The following GARRE1 variants were observed in gnomAD, a reference collection of about 807,000 sequenced individuals.
GARRE1 encodes granule associated Rac and RHOG effector protein 1.
In GARRE1, 49 loss-of-function variants were observed where a neutral mutation model predicts 103.2. That is an observed-to-expected ratio of 0.47 (90% confidence interval 0.38 to 0.60). The LOEUF (loss-of-function observed/expected upper bound fraction) is 0.60, where lower values mean the gene tolerates loss of function less well. GARRE1 is among the 20% of genes least tolerant of loss of function. The probability of loss-of-function intolerance (pLI) is 0.00; values close to 1 mark genes in which losing one functional copy is unlikely to be tolerated. For missense variants in GARRE1, 1,199 were observed against 1,370.5 expected (o/e 0.87, Z 1.98); for synonymous variants, 505 against 532.8 (o/e 0.95, Z 0.72).
chr19:34,327,935 G>C, intron 5 of GARRE1, 55 bp from the exon 6 acceptor site: 2 of 1,613,784 alleles, frequency 1.2e-6, no homozygotes, highest in East Asian at 4.5e-5. Flanking sequence ...TGAACCAAGT[G>C]TTTTGACAGA....
intron 4 of GARRE1, 22 bp from the exon 5 acceptor site, chr19:34,327,749 G>A (rs2074118586): frequency 6.3e-7 from 1 of 1,595,716 alleles, no homozygotes; most frequent in South Asian, 1.1e-5. Context: ...GATCTTGATT[G>A]TTAAAAATAA....
In GARRE1 at chr19:34,354,294, C is replaced by T. The variant is rs1189778191; in HGVS notation, c.*1339C>T. ...AATAAATGGTTTATTCTTTCTAACTCCATATAAGCTTTTCCAGCAAAGATT... is the reference window on the plus strand; with the variant it reads ...AATAAATGGTTTATTCTTTCTAACTTCATATAAGCTTTTCCAGCAAAGATT... On this transcript the variant is annotated 3_prime_UTR_variant, in exon 14 of 14. Transcript: ENST00000299505. 1 of 152,036 alleles carries T rather than the reference C, an allele frequency of 6.6e-6. No individual in the cohort carries two copies. Among genetic ancestry groups the T allele is most frequent in the African/African-American group, 2.4e-5 (1 of 41,376 alleles). 9.4% of individuals were successfully genotyped at this position (152,036 alleles called of 1,614,324 possible).
At chr19:34,324,078 C>G (rs529904820) in intron 3 of GARRE1, among the ~76,000 whole-genome samples, 1 of 152,108 alleles carries the variant, frequency 6.6e-6, no homozygotes, top group African/African-American at 2.4e-5. Context: ...AGGCTTGCCC[C>G]GTGCTGGCCT....
Position 34,320,814 on chromosome 19 carries a change from G to A in GARRE1, c.705+698G>A, listed in dbSNP as rs192407104. 1.7e-4 allele frequency among the ~76,000 whole-genome samples: 25 copies of A among 150,302 alleles called. No individual in the cohort carries two copies. The East Asian group carries it at 3.9e-3, about 23-fold the overall frequency. On this transcript the variant is annotated intron_variant, in intron 3 of 13. Transcript: ENST00000299505. Reference sequence around the variant, plus strand: ...AAGTCTCACTACAGCCTGTACCTCCGGGCTCAAGAGATACTCCCACCTCAG... The same window carrying A: ...AAGTCTCACTACAGCCTGTACCTCCAGGCTCAAGAGATACTCCCACCTCAG...
In GARRE1 at chr19:34,300,748, G is replaced by T. The variant is rs778258992; in HGVS notation, c.275G>T (p.Arg92Leu). ...CTGGATGCCCTGAACGTCTTCTGCC[G>T]TGCCAGTACTTTCCTCACAGATCTC... ...KYLDALNVFCRASTFLTDLFS... is the reference protein window; with the variant it reads ...KYLDALNVFCLASTFLTDLFS... The change falls in exon 2 of 14, where the codon CGT becomes CTT. Residue 92 changes from arginine to leucine, a missense_variant. Physicochemically the swap from Arg to Leu is moderately radical, Grantham distance 102. Transcript: ENST00000299505. 5.6e-6 allele frequency: 9 copies of T among 1,614,170 alleles called. No individual in the cohort carries two copies. Among genetic ancestry groups the T allele is most frequent in the Admixed American group, 1.7e-5 (1 of 60,020 alleles).
intron 7 of GARRE1, 21 bp from the exon 8 acceptor site, chr19:34,333,683 T>TTG: frequency 8.0e-7 from 1 of 1,244,882 alleles, no homozygotes; most frequent in South Asian, 1.3e-5. Flanking sequence ...ATTTGTTTTT[T>TTG]TTTTTTTTTT....
intron 1 of GARRE1, among the ~76,000 whole-genome samples, chr19:34,264,609 A>G (rs2073740361): frequency 1.3e-5 from 2 of 152,276 alleles, no homozygotes; most frequent in East Asian, 3.9e-4. Flanking sequence ...TGTGTTAGCC[A>G]GGATGGTCTT....
chr19:34,342,556 A>C (rs1368256595), intron 10 of GARRE1, 101 bp downstream of exon 10: 1 of 1,073,792 alleles, frequency 9.3e-7, no homozygotes, highest in African/African-American at 1.6e-5. Context: ...TGAAGGTGAA[A>C]TCATTTAATC....
chr19:34,307,516 T>C (rs941611583), intron 2 of GARRE1, among the ~76,000 whole-genome samples: 1 of 150,432 alleles, frequency 6.6e-6, no homozygotes, highest in Non-Finnish European at 1.5e-5. Flanking sequence ...CTTATATGTA[T>C]ATATACGTAT....
chr19:34,328,230 G>C (rs1287346758), intron 6 of GARRE1, 79 bp downstream of exon 6: 1 of 1,500,048 alleles, frequency 6.7e-7, no homozygotes, highest in Non-Finnish European at 9.0e-7. Flanking sequence ...GGCTTGCGAA[G>C]GATGTAGATT....
rs544437477 is a variant in GARRE1, at chr19:34,339,976, C to T, written c.1471C>T (p.Arg491Cys). 23 of 1,614,138 alleles carry T rather than the reference C, an allele frequency of 1.4e-5. No individual in the cohort carries two copies. Among genetic ancestry groups the T allele is most frequent in the African/African-American group, 9.3e-5 (7 of 75,028 alleles). The change falls in exon 9 of 14, where the codon CGC becomes TGC. Residue 491 changes from arginine (R) to cysteine (C), a missense_variant. Coordinates refer to ENST00000299505, the MANE Select transcript of GARRE1 (RefSeq NM_014686.5). ...CTACACAGCTGTGCTGGACCTAAACCGCTGGAGGGCTGGAAGGTTGGTGTC... is the reference window on the plus strand; with the variant it reads ...CTACACAGCTGTGCTGGACCTAAACTGCTGGAGGGCTGGAAGGTTGGTGTC... ...VLYTAVLDLNRWRAGREQALP... is the reference protein window; with the variant it reads ...VLYTAVLDLNCWRAGREQALP...
intron 1 of GARRE1, among the ~76,000 whole-genome samples, chr19:34,284,544 G>T (rs1401853723): frequency 6.6e-6 from 1 of 152,158 alleles, no homozygotes; most frequent in Non-Finnish European, 1.5e-5. Context: ...AATCTGTGGA[G>T]AACTTTTGCA....
intron 1 of GARRE1, among the ~76,000 whole-genome samples, chr19:34,283,044 G>A (rs986940540): frequency 1.3e-5 from 2 of 152,154 alleles, no homozygotes; most frequent in Non-Finnish European, 2.9e-5. Flanking sequence ...GATTTGGGGA[G>A]GATGGAGAGG....
At chr19:34,312,652 C>T (rs974606030) in intron 2 of GARRE1, among the ~76,000 whole-genome samples, 4 of 152,270 alleles carry the variant, frequency 2.6e-5, no homozygotes, top group Admixed American at 6.5e-5. Context: ...TGTGGCCGGG[C>T]GCGGTGGCTC....
At chr19:34,293,932 T>C (rs2073933004) in intron 1 of GARRE1, among the ~76,000 whole-genome samples, 1 of 151,552 alleles carries the variant, frequency 6.6e-6, no homozygotes, top group Non-Finnish European at 1.5e-5. Flanking sequence ...CTTATTTTTG[T>C]ATTTTTTAGT....
Position 34,342,056 on chromosome 19 carries a change from C to T in GARRE1, c.2122C>T (p.His708Tyr). The T allele has an allele frequency of 6.2e-7, 1 of 1,614,146 alleles. No homozygotes were observed. The highest frequency in any genetic ancestry group is 8.5e-7 in the Non-Finnish European group (1 of 1,180,042). ...PPPRAPQAGA[H>Y]TPLTPQPGLA... The stretch of plus-strand genomic sequence containing the variant: ...ACCACGGGCACCCCAGGCTGGGGCA[C>T]ACACACCTCTGACACCCCAGCCGGG... The change falls in exon 10 of 14, where the codon CAC becomes TAC. Residue 708 changes from histidine (H) to tyrosine (Y), a missense_variant. By Grantham distance (83) the His-to-Tyr change is moderately conservative (BLOSUM62 2). Coordinates refer to ENST00000299505, the MANE Select transcript of GARRE1 (RefSeq NM_014686.5).
At chr19:34,311,374 G>C (rs114163744) in intron 2 of GARRE1, among the ~76,000 whole-genome samples, 2 of 152,074 alleles carry the variant, frequency 1.3e-5, no homozygotes, top group East Asian at 3.9e-4. Context: ...CTCCTTAAGG[G>C]GAAATTGGTG....
At chr19:34,301,016 G>A (rs763063958) in intron 2 of GARRE1, 48 bp downstream of exon 2, 6 of 1,528,328 alleles carry the variant, frequency 3.9e-6, no homozygotes, top group Non-Finnish European at 5.3e-6. Flanking sequence ...ATACTACAAA[G>A]GTAAGTGAGA....
At position 34,342,040 on chromosome 19, in the gene GARRE1, AC is replaced by A. The variant is rs781647043; in HGVS notation, c.2110del (p.Gln704ArgfsTer8). 6.2e-7 allele frequency: 1 copy of A among 1,613,930 alleles called. No homozygotes were observed. Among genetic ancestry groups the A allele is most frequent in the East Asian group, 2.2e-5 (1 of 44,880 alleles). The part of the protein sequence containing the change: ...SLPVPPPPRA[P>X]QAGAHTPLTP... ...TGCCTGTGCCCCCTCCACCACGGGC[AC>A]CCCAGGCTGGGGCACACACACCTCT... On this transcript the variant is annotated frameshift_variant, in exon 10 of 14. Coordinates refer to ENST00000299505, the MANE Select transcript of GARRE1 (RefSeq NM_014686.5). LOFTEE classifies it high-confidence loss of function.
Sources: allele counts gnomAD v4.1 joint callset (sites outside exome capture counted in the v4.1 genomes callset), GRCh38; gene constraint gnomAD v4.1.1; transcripts MANE v1.5; gene names NCBI Gene and HGNC (gene_info 2026-07-23, HGNC 2026-07-21).